PCCA: variants seen among roughly 807,000 people sequenced by gnomAD.
PCCA encodes propionyl-CoA carboxylase subunit alpha, also known as propionyl-CoA carboxylase alpha chain, mitochondrial.
A neutral mutation model predicts 101.3 loss-of-function variants in PCCA; 74 were observed. The ratio of observed to expected loss-of-function variants is 0.73; its 90% CI spans 0.61 to 0.89. The LOEUF is 0.89. PCCA is among the 40% of genes least tolerant of loss of function. PCCA has a pLI of 0.00. For missense variants in PCCA, 891 were observed against 907.0 expected (o/e 0.98, Z 0.23); for synonymous variants, 294 against 313.6 (o/e 0.94, Z 0.66).
chr13:100,138,255 T>C (rs2152338148), intron 4 of PCCA, among the ~76,000 whole-genome samples: 1 of 152,352 alleles, frequency 6.6e-6, no homozygotes, highest in East Asian at 1.9e-4. Context: ...TATGACTATC[T>C]CGTGTAGTTT....
chr13:100,457,443 G>A (rs2081827924), intron 21 of PCCA, among the ~76,000 whole-genome samples: 1 of 152,136 alleles, frequency 6.6e-6, no homozygotes, highest in Non-Finnish European at 1.5e-5. Flanking sequence ...TGAGACTCCA[G>A]GATCAGAGAT....
At chr13:100,243,136 TCCCC>T (rs968829954) in intron 8 of PCCA, among the ~76,000 whole-genome samples, 5 of 152,170 alleles carry the variant, frequency 3.3e-5, no homozygotes, top group African/African-American at 1.2e-4. Flanking sequence ...CCTCAAGTGC[TCCCC>T]CTGCCTTGGC....
At chr13:100,515,643 A>G (rs960409704) in intron 22 of PCCA, 76 bp downstream of exon 22, 1 of 1,553,580 alleles carries the variant, frequency 6.4e-7, no homozygotes, top group South Asian at 1.1e-5. Context: ...CTAACGGCAC[A>G]GCACGATTCG....
chr13:100,105,670 A>C (rs1296175814), intron 2 of PCCA, among the ~76,000 whole-genome samples: 5 of 149,528 alleles, frequency 3.3e-5, no homozygotes, highest in Admixed American at 6.7e-5. Flanking sequence ...AAAAAAAAAA[A>C]AAAAAAAAAC....
chr13:100,122,584 C>T (rs1305730228), intron 4 of PCCA, among the ~76,000 whole-genome samples: 2 of 152,228 alleles, frequency 1.3e-5, no homozygotes, highest in East Asian at 1.9e-4. Context: ...GTGTCCATTT[C>T]ATCAAAGTTT....
rs113247072 is a variant in PCCA, at chr13:100,186,749, C to CAA, written c.469-22573_469-22572dup. On this transcript the variant is annotated intron_variant, in intron 6 of 23. Coordinates refer to ENST00000376285, the MANE Select transcript of PCCA (RefSeq NM_000282.4). ...GTGAGATTCCATCTCAAAAAAAAAA[C>CAA]AAAAAAAAAAAGAAAATACAAAATA... Among the ~76,000 whole-genome samples the CAA allele has an allele frequency of 8.6e-3, 912 of 106,306 alleles. 14 individuals carry two copies. Among genetic ancestry groups the CAA allele is most frequent in the Non-Finnish European group, 0.013 (654 of 48,676 alleles). 69.7% of individuals were successfully genotyped at this position (106,306 alleles called of 152,430 possible).
intron 10 of PCCA, among the ~76,000 whole-genome samples, chr13:100,266,521 G>A (rs1020515084): frequency 1.3e-5 from 2 of 152,032 alleles, no homozygotes; most frequent in Non-Finnish European, 2.9e-5. Flanking sequence ...CATGATAAAG[G>A]GTAATTAATA....
chr13:100,190,536 G>T (rs1032775489), intron 6 of PCCA, among the ~76,000 whole-genome samples: 1 of 152,118 alleles, frequency 6.6e-6, no homozygotes, highest in African/African-American at 2.4e-5. Flanking sequence ...TTAGCCAGAT[G>T]TGATGGCATA....
chr13:100,273,049 CAT>C (rs1595054549), intron 11 of PCCA, 145 bp from the exon 12 acceptor site: 5 of 630,002 alleles, frequency 7.9e-6, no homozygotes, highest in South Asian at 2.0e-5. Flanking sequence ...TATTATAAAA[CAT>C]ATATAAAGCA....
At chr13:100,379,809 T>C (rs994772661) in intron 19 of PCCA, among the ~76,000 whole-genome samples, 1 of 152,054 alleles carries the variant, frequency 6.6e-6, no homozygotes, top group African/African-American at 2.4e-5. Context: ...TTCAATTTCC[T>C]CCCACTGGGT....
chr13:100,163,749 G>A (rs992218962), intron 6 of PCCA, among the ~76,000 whole-genome samples: 9 of 152,102 alleles, frequency 5.9e-5, no homozygotes, highest in Non-Finnish European at 1.3e-4. Context: ...TGATCAAGGT[G>A]GTTGGATTTA....
At chr13:100,357,480 C>T (rs377604719) in intron 18 of PCCA, among the ~76,000 whole-genome samples, 1 of 152,144 alleles carries the variant, frequency 6.6e-6, no homozygotes, top group African/African-American at 2.4e-5. Context: ...TGTGAACCCG[C>T]GTTCTTCCAT....
At chr13:100,354,359 G>A (rs1322419632) in intron 18 of PCCA, among the ~76,000 whole-genome samples, 2 of 134,486 alleles carry the variant, frequency 1.5e-5, no homozygotes, top group Non-Finnish European at 3.2e-5. Context: ...GGGAGGGAGG[G>A]AGGGAGGGAA....
In PCCA at chr13:100,452,289, C is replaced by A. The variant is rs1217486087; in HGVS notation, c.1899+2984C>A. 2.6e-5 allele frequency among the ~76,000 whole-genome samples: 4 copies of A among 151,994 alleles called. No individual in the cohort carries two copies. In the East Asian group the frequency reaches 5.8e-4, roughly 22 times the overall value. On this transcript the variant is annotated intron_variant, in intron 21 of 23. Coordinates refer to ENST00000376285, the MANE Select transcript of PCCA (RefSeq NM_000282.4). Reference sequence around the variant, plus strand: ...TCTGTCTCTGTGTCCCCACGCCCCCCACTCCTGGCCCTGCCTTTAGCCATC... The same window carrying A: ...TCTGTCTCTGTGTCCCCACGCCCCCAACTCCTGGCCCTGCCTTTAGCCATC...
At chr13:100,206,555 C>T (rs1381511582) in intron 6 of PCCA, among the ~76,000 whole-genome samples, 4 of 152,070 alleles carry the variant, frequency 2.6e-5, no homozygotes, top group Non-Finnish European at 5.9e-5. Context: ...CCACTGTGCC[C>T]GGCCATTCTA....
intron 4 of PCCA, among the ~76,000 whole-genome samples, chr13:100,124,722 G>A (rs922523532): frequency 6.6e-6 from 1 of 152,104 alleles, no homozygotes; most frequent in Non-Finnish European, 1.5e-5. Context: ...GCAGACTAAG[G>A]TATAAAAGAC....
intron 1 of PCCA, 63 bp downstream of exon 1, chr13:100,089,288 G>T: frequency 7.4e-7 from 1 of 1,359,254 alleles, no homozygotes; most frequent in Non-Finnish European, 9.5e-7. Context: ...GCCGCCTCTG[G>T]GCGGCTGGCG....
At chr13:100,260,088 A>G (rs191847201) in intron 9 of PCCA, among the ~76,000 whole-genome samples, 263 of 152,296 alleles carry the variant, frequency 1.7e-3, no homozygotes, top group African/African-American at 5.9e-3. Flanking sequence ...GTAAAGTGCT[A>G]TATTTTTTCT....
intron 12 of PCCA, among the ~76,000 whole-genome samples, chr13:100,281,277 CA>C (rs1183058308): frequency 2.0e-5 from 3 of 152,240 alleles, no homozygotes; most frequent in Admixed American, 1.3e-4. Flanking sequence ...CCGTCGGTGG[CA>C]TTGTGAAGAA....
Sources: gnomAD v4.1 joint callset for allele counts (sites outside exome capture counted in the v4.1 genomes callset) on GRCh38, gnomAD v4.1.1 for gene constraint, MANE v1.5 for transcripts, NCBI Gene and HGNC (gene_info 2026-07-23, HGNC 2026-07-21) for gene names.